PXDN: variants seen among roughly 807,000 people sequenced by gnomAD.
PXDN encodes peroxidasin, also known as peroxidasin homolog.
A neutral mutation model predicts 140.3 loss-of-function variants in PXDN; 77 were observed. That is an observed-to-expected ratio of 0.55 (90% CI 0.46 to 0.66). The LOEUF is 0.66. Among genes scored for constraint, PXDN ranks in the 30% least tolerant of loss-of-function variants. PXDN has a pLI of 0.00. For missense variants in PXDN, 1,838 were observed against 2,039.5 expected, an observed-to-expected ratio of 0.90 and a Z score of 1.90; for synonymous variants, 911 against 857.4, an observed-to-expected ratio of 1.06 and a Z score of -1.09.
At position 1,687,412 on chromosome 2, in the gene PXDN, C is replaced by A. The variant is rs940083068; in HGVS notation, c.416+220G>T. Among the ~76,000 whole-genome samples, 2 of 151,950 alleles carry A rather than the reference C, an allele frequency of 1.3e-5. No individual in the cohort carries two copies. Among genetic ancestry groups the A allele is most frequent in the Non-Finnish European group, 2.9e-5 (2 of 67,990 alleles). On this transcript the variant is annotated intron_variant, in intron 4 of 22. Coordinates refer to ENST00000252804, the MANE Select transcript of PXDN (RefSeq NM_012293.3). This position sits in a 1 kb window ranked among gnomAD's most constrained non-coding sequence, Gnocchi z 4.0. ...TGCCGCCGTAAGGAAACCAGGGATA[C>A]GTCCTGAGGGGTGGGTGGAGGGCTG...
intron 13 of PXDN, among the ~76,000 whole-genome samples, chr2:1,661,429 A>C (rs1003321632): frequency 6.6e-6 from 1 of 152,216 alleles, no homozygotes; most frequent in Non-Finnish European, 1.5e-5. Context: ...ATTCAGAGGC[A>C]GACGCAGAGG....
rs1254338121 is a variant in PXDN, at chr2:1,704,856, C to T, written c.201-11722G>A. 2.0e-5 allele frequency among the ~76,000 whole-genome samples: 3 copies of T among 152,088 alleles called. No homozygotes were observed. The East Asian group carries it at 5.8e-4, about 29-fold the overall frequency. ...TTGAGCAGTTCCCAGCTTGACTCTT[C>T]CCTTTAACTTAGTGATTTGGGGGTC... On this transcript the variant is annotated intron_variant, in intron 1 of 22. Coordinates refer to ENST00000252804, the MANE Select transcript of PXDN (RefSeq NM_012293.3).
At chr2:1,743,793 G>A (rs1252549155) in intron 1 of PXDN, among the ~76,000 whole-genome samples, 1 of 144,652 alleles carries the variant, frequency 6.9e-6, no homozygotes, top group Admixed American at 6.9e-5. Context: ...GGAGGACGGA[G>A]GGGGCTGCGC....
chr2:1,679,905 A>G (rs1191382309), intron 7 of PXDN, among the ~76,000 whole-genome samples: 2 of 136,780 alleles, frequency 1.5e-5, no homozygotes, highest in African/African-American at 5.7e-5. Context: ...GTGTGTGTGT[A>G]AATGGTGTGT....
chr2:1,642,967 A>G (rs1572117260), intron 19 of PXDN, among the ~76,000 whole-genome samples: 2 of 152,366 alleles, frequency 1.3e-5, no homozygotes, highest in Admixed American at 1.3e-4. Context: ...CATTCAGATT[A>G]ACTTTTAAGA....
In PXDN at chr2:1,635,395, C is replaced by A; in HGVS notation, c.4320+13G>T. ...ATACCTTAGGACATGAAGATAGAGC[C>A]CCCCATACTCACTTTGCATTCACAA... On this transcript the variant is annotated intron_variant, in intron 22 of 22. Coordinates refer to ENST00000252804, the MANE Select transcript of PXDN (RefSeq NM_012293.3). 6.4e-7 allele frequency: 1 copy of A among 1,561,288 alleles called. No homozygotes were observed. The highest frequency in any genetic ancestry group is 8.7e-7 in the Non-Finnish European group (1 of 1,149,970).
Position 1,673,643 on chromosome 2 carries a change from C to A in PXDN, c.1018G>T (p.Ala340Ser). The A allele has an allele frequency of 6.2e-7, 1 of 1,607,382 alleles. No homozygotes were observed. Among genetic ancestry groups the A allele is most frequent in the Non-Finnish European group, 8.5e-7 (1 of 1,174,940 alleles). ...CCGGTGTGAAATGCCCGCCACATACCTGGAGACCCGAAGTACCTGAGGGTC... is the reference window on the plus strand; with the variant it reads ...CCGGTGTGAAATGCCCGCCACATACATGGAGACCCGAAGTACCTGAGGGTC... ...EVTLRYFGSPARPTFVIQPQN... is the reference protein window; with the variant it reads ...EVTLRYFGSPSRPTFVIQPQN... Residue 340 changes from alanine to serine, a missense_variant and splice_region_variant, in exon 9 of 23, where the codon GCT becomes TCT. Ala to Ser is a moderately conservative substitution (Grantham distance 99, BLOSUM62 1). This residue lies in a region of PXDN where 208 missense variants were observed against 325.8 expected (regional missense o/e 0.64). Coordinates refer to ENST00000252804, the MANE Select transcript of PXDN (RefSeq NM_012293.3).
At chr2:1,722,969 G>A (rs2125482582) in intron 1 of PXDN, among the ~76,000 whole-genome samples, 1 of 152,336 alleles carries the variant, frequency 6.6e-6, no homozygotes, top group African/African-American at 2.4e-5. Context: ...ATGTGTGGAT[G>A]GATGGATGCA....
In PXDN at chr2:1,744,414, C is replaced by G; in HGVS notation, c.42G>C (p.Leu14Phe). The G allele has an allele frequency of 6.6e-7, 1 of 1,509,948 alleles. No homozygotes were observed. 93.5% of individuals were successfully genotyped at this position (1,509,948 alleles called of 1,614,324 possible). ...RSRGPGRRCL[L>F]ALVLFCAWGT... Reference sequence around the variant, plus strand: ...CCCAGGCGCAGAACAGCACGAGCGCCAACAGGCAGCGGCGCCCGGGGCCCC... The same window carrying G: ...CCCAGGCGCAGAACAGCACGAGCGCGAACAGGCAGCGGCGCCCGGGGCCCC... Residue 14 changes from leucine to phenylalanine, a missense_variant, in exon 1 of 23, where the codon TTG becomes TTC. Leu to Phe is a conservative substitution (Grantham distance 22, BLOSUM62 0). Transcript: ENST00000252804.
At chr2:1,695,467 C>T (rs1684281457) in intron 1 of PXDN, among the ~76,000 whole-genome samples, 1 of 99,828 alleles carries the variant, frequency 1.0e-5, no homozygotes, top group African/African-American at 4.1e-5. Context: ...ATCCACAGGC[C>T]CCTGTGCCCT....
Position 1,662,116 on chromosome 2 carries a change from A to AC in PXDN, c.1635dup (p.Cys546ValfsTer31). 6.3e-7 allele frequency: 1 copy of AC among 1,598,234 alleles called. No individual in the cohort carries two copies. Among genetic ancestry groups the AC allele is most frequent in the Non-Finnish European group, 8.5e-7 (1 of 1,172,910 alleles). ...GGCTCGGGCTCGCCCTGGGAGCTGCACGGGAGCTGCACATTGGCGCCCACC... is the reference window on the plus strand; with the variant it reads ...GGCTCGGGCTCGCCCTGGGAGCTGCACCGGGAGCTGCACATTGGCGCCCACC... On this transcript the variant is annotated frameshift_variant, in exon 13 of 23. Coordinates refer to ENST00000252804, the MANE Select transcript of PXDN (RefSeq NM_012293.3). LOFTEE classifies it high-confidence loss of function.
At chr2:1,700,004 T>C (rs745592307) in intron 1 of PXDN, among the ~76,000 whole-genome samples, 1 of 152,158 alleles carries the variant, frequency 6.6e-6, no homozygotes, top group Non-Finnish European at 1.5e-5. Flanking sequence ...CAGAGGTGAA[T>C]TGTCTTTTTC....
chr2:1,711,235 A>G (rs377458473), intron 1 of PXDN, among the ~76,000 whole-genome samples: 2 of 48,800 alleles, frequency 4.1e-5, no homozygotes, highest in African/African-American at 1.9e-4. Flanking sequence ...ACCAGCACCC[A>G]CTCCACCAGC....
chr2:1,663,485 G>T, intron 12 of PXDN, 120 bp downstream of exon 12: 1 of 1,360,298 alleles, frequency 7.4e-7, no homozygotes, highest in Non-Finnish European at 1.0e-6. Context: ...TGCACAAAAT[G>T]CAGAGAGAAC....
At chr2:1,654,092 C>A (rs770048770) in intron 15 of PXDN, 1 of 480,352 alleles carries the variant, frequency 2.1e-6, no homozygotes, top group Non-Finnish European at 3.7e-6. Context: ...ACACTAATGA[C>A]TTTTAAACTA....
At chr2:1,716,387 G>A (rs928453201) in intron 1 of PXDN, among the ~76,000 whole-genome samples, 26 of 142,608 alleles carry the variant, frequency 1.8e-4, no homozygotes, top group Non-Finnish European at 3.9e-4. Context: ...GCGGTGAGCC[G>A]AGACCATGCC....
At chr2:1,744,500 GCCGGCTCCCGACTGCGCCCGC>G in exon 1 of PXDN, 1 of 1,355,898 alleles carries the variant, frequency 7.4e-7, no homozygotes, top group Non-Finnish European at 9.4e-7. Flanking sequence ...AGCCACCACG[GCCGGCTCCCGACTGCGCCCGC>G]CCGGCCGCGG....
Position 1,713,567 on chromosome 2 carries a change from G to A in PXDN, c.201-20433C>T, listed in dbSNP as rs533266279. Reference sequence around the variant, plus strand: ...TGGGGGCCGCCTCTCCCCACTGGCCGCTCCAGCACCAGAGGCTGTCTCCCT... The same window carrying A: ...TGGGGGCCGCCTCTCCCCACTGGCCACTCCAGCACCAGAGGCTGTCTCCCT... On this transcript the variant is annotated intron_variant, in intron 1 of 22. Coordinates refer to ENST00000252804, the MANE Select transcript of PXDN (RefSeq NM_012293.3). Among the ~76,000 whole-genome samples the A allele has an allele frequency of 2.6e-5, 4 of 152,338 alleles. No individual in the cohort carries two copies. The South Asian group carries it at 6.2e-4, about 24-fold the overall frequency.
At chr2:1,656,123 C>A (rs527402014) in intron 14 of PXDN, among the ~76,000 whole-genome samples, 58 of 151,536 alleles carry the variant, frequency 3.8e-4, no homozygotes, top group African/African-American at 1.4e-3. Context: ...ACCCCAAACA[C>A]CACACAAACA....
Sources: allele counts gnomAD v4.1 joint callset (sites outside exome capture counted in the v4.1 genomes callset), GRCh38; gene constraint gnomAD v4.1.1; regional missense constraint gnomAD v4.1.1; non-coding constraint Gnocchi (gnomAD v3.1); transcripts MANE v1.5; gene names NCBI Gene and HGNC (gene_info 2026-07-23, HGNC 2026-07-21).